GSTCD: variants seen among roughly 807,000 people sequenced by gnomAD.
The protein encoded by GSTCD is glutathione S-transferase C-terminal domain-containing protein.
A neutral mutation model predicts 68.3 loss-of-function variants in GSTCD; 44 were observed. That is an observed-to-expected ratio of 0.64 (90% CI 0.51 to 0.83). The LOEUF is 0.83. Ranked by LOEUF, GSTCD falls within the 40% of genes least tolerant of loss-of-function variation. The probability of loss-of-function intolerance (pLI) is 0.00; values close to 1 mark genes in which losing one functional copy is unlikely to be tolerated. For missense variants in GSTCD, 739 were observed against 735.9 expected (o/e 1.00, Z -0.05); for synonymous variants, 273 against 255.2 (o/e 1.07, Z -0.67).
At chr4:105,802,111 T>C (rs1736126455) in intron 5 of GSTCD, among the ~76,000 whole-genome samples, 1 of 152,112 alleles carries the variant, frequency 6.6e-6, no homozygotes, top group African/African-American at 2.4e-5. Flanking sequence ...GAGGATGAAA[T>C]GGGATAGTAC....
rs772177221 is a variant in GSTCD at position 105,717,893 on chromosome 4, G to A, written c.280G>A (p.Val94Ile). 37 of 1,613,996 alleles carry A rather than the reference G, an allele frequency of 2.3e-5. No homozygotes were observed. The highest frequency in any genetic ancestry group is 2.9e-5 in the Non-Finnish European group (34 of 1,180,014). Residue 94 changes from valine (V) to isoleucine (I), a missense_variant, in exon 2 of 12, where the codon GTA becomes ATA. By Grantham distance (29) the Val-to-Ile change is conservative (BLOSUM62 3). Coordinates refer to ENST00000515279, the MANE Select transcript of GSTCD (RefSeq NM_001370181.1). ...CCAAAATTGCTGTTTGCCTGCAGTA[G>A]TAGAACGATCAGACAATTTTTGTAG... Reference protein sequence around the residue: ...IVQNCCLPAVVERSDNFCRAG... With the variant: ...IVQNCCLPAVIERSDNFCRAG...
chr4:105,841,323 CA>C (rs536874339), intron 10 of GSTCD, among the ~76,000 whole-genome samples: 6,928 of 134,922 alleles, frequency 0.051, 198 homozygotes, highest in Middle Eastern at 0.14. Context: ...AACTCCGTCT[CA>C]AAAAAAAAAA....
chr4:105,756,912 A>C (rs112436553), intron 5 of GSTCD, among the ~76,000 whole-genome samples: 12 of 152,318 alleles, frequency 7.9e-5, no homozygotes, highest in African/African-American at 2.9e-4. Context: ...ATCTACATGC[A>C]TTATAGTTCA....
At chr4:105,731,997 A>G (rs983872415) in intron 5 of GSTCD, among the ~76,000 whole-genome samples, 4 of 152,130 alleles carry the variant, frequency 2.6e-5, no homozygotes, top group Non-Finnish European at 5.9e-5. Flanking sequence ...GATTACGTTT[A>G]TTGATTTGCA....
At chr4:105,789,676 C>T (rs1735590999) in intron 5 of GSTCD, among the ~76,000 whole-genome samples, 1 of 151,828 alleles carries the variant, frequency 6.6e-6, no homozygotes, top group African/African-American at 2.4e-5. Context: ...AAGTGACATC[C>T]CATCCCCTTT....
At chr4:105,729,305 C>T in intron 4 of GSTCD, 101 bp from the exon 5 acceptor site, 1 of 528,520 alleles carries the variant, frequency 1.9e-6, no homozygotes, top group Non-Finnish European at 3.2e-6. Flanking sequence ...TACTATTTAT[C>T]CTCCTCCTTA....
chr4:105,793,421 A>ATTT (rs1284972040), intron 5 of GSTCD, among the ~76,000 whole-genome samples: 4 of 150,940 alleles, frequency 2.7e-5, no homozygotes, highest in African/African-American at 9.9e-5. Context: ...TTTTTTTTTA[A>ATTT]AAAAAATCTT....
intron 5 of GSTCD, among the ~76,000 whole-genome samples, chr4:105,802,852 G>A (rs1736160696): frequency 6.6e-6 from 1 of 152,040 alleles, no homozygotes; most frequent in South Asian, 2.1e-4. Context: ...TCATATATCT[G>A]GGATCACGTA....
chr4:105,716,492 T>C (rs1000564330), intron 1 of GSTCD, among the ~76,000 whole-genome samples: 13 of 151,826 alleles, frequency 8.6e-5, no homozygotes, highest in African/African-American at 3.1e-4. Flanking sequence ...AAGTGGGAGG[T>C]GAGTGGCAGG....
At chr4:105,838,846 A>G (rs917303132) in intron 10 of GSTCD, among the ~76,000 whole-genome samples, 3 of 152,242 alleles carry the variant, frequency 2.0e-5, no homozygotes, top group Non-Finnish European at 2.9e-5. Flanking sequence ...ATTCATTTGG[A>G]TTCTTAGTTA....
chr4:105,776,781 C>T (rs184538287), intron 5 of GSTCD, among the ~76,000 whole-genome samples: 53 of 152,290 alleles, frequency 3.5e-4, no homozygotes, highest in Admixed American at 3.1e-3. Flanking sequence ...TGTTCCTATT[C>T]GGCCAGCTTG....
chr4:105,769,618 C>T (rs1043625995), intron 5 of GSTCD, among the ~76,000 whole-genome samples: 5 of 152,108 alleles, frequency 3.3e-5, no homozygotes, highest in Non-Finnish European at 7.4e-5. Flanking sequence ...ATTTTGCAAG[C>T]AAAATTTGTA....
At chr4:105,756,683 A>G (rs1297330439) in intron 5 of GSTCD, among the ~76,000 whole-genome samples, 1 of 151,956 alleles carries the variant, frequency 6.6e-6, no homozygotes, top group Non-Finnish European at 1.5e-5. Context: ...TGAGTAGCCA[A>G]CGCAGATCAA....
At chr4:105,834,707 C>A in intron 9 of GSTCD, 113 bp downstream of exon 9, 2 of 819,172 alleles carry the variant, frequency 2.4e-6, no homozygotes, top group Non-Finnish European at 3.8e-6. Flanking sequence ...CTTCTTTCCA[C>A]AATGCCAAAT....
chr4:105,745,653 G>A (rs1578430393), intron 5 of GSTCD, among the ~76,000 whole-genome samples: 1 of 152,326 alleles, frequency 6.6e-6, no homozygotes, highest in East Asian at 1.9e-4. Flanking sequence ...GCTGGCCTAA[G>A]CCACTTAATC....
chr4:105,831,343 G>T (rs572507470), intron 8 of GSTCD, among the ~76,000 whole-genome samples: 1 of 152,246 alleles, frequency 6.6e-6, no homozygotes, highest in African/African-American at 2.4e-5. Context: ...GAGGCTACAA[G>T]AAAGGAAGAG....
intron 5 of GSTCD, among the ~76,000 whole-genome samples, chr4:105,772,643 A>G (rs1264820463): frequency 6.6e-6 from 1 of 152,184 alleles, no homozygotes; most frequent in African/African-American, 2.4e-5. Context: ...GGTTCTGTTT[A>G]TATGATGGAT....
At chr4:105,804,595 A>C (rs904199079) in intron 5 of GSTCD, among the ~76,000 whole-genome samples, 2 of 152,114 alleles carry the variant, frequency 1.3e-5, no homozygotes, top group Non-Finnish European at 2.9e-5. Context: ...CTGAGCATCT[A>C]CACATTGCAA....
intron 5 of GSTCD, among the ~76,000 whole-genome samples, chr4:105,742,421 T>C (rs923827464): frequency 2.0e-5 from 3 of 152,230 alleles, no homozygotes; most frequent in African/African-American, 7.2e-5. Flanking sequence ...CTTCATTAAG[T>C]CTTCTCTATG....
Sources: allele counts gnomAD v4.1 joint callset (sites outside exome capture counted in the v4.1 genomes callset), GRCh38; gene constraint gnomAD v4.1.1; transcripts MANE v1.5; gene names NCBI Gene and HGNC (gene_info 2026-07-23, HGNC 2026-07-21).